CCSER1: variants seen among roughly 807,000 people sequenced by gnomAD.
CCSER1 encodes the protein coiled-coil serine rich protein 1.
CCSER1 carries 41 observed loss-of-function variants against 82.0 expected under a neutral mutation model. That is an observed-to-expected ratio of 0.50 (90% CI 0.39 to 0.65). The LOEUF (loss-of-function observed/expected upper bound fraction) is 0.65, where lower values mean the gene tolerates loss of function less well. Ranked by LOEUF, CCSER1 falls within the 30% of genes least tolerant of loss-of-function variation. The pLI is 0.00. For missense variants in CCSER1, 1,119 were observed against 1,064.2 expected (o/e 1.05, Z -0.72); for synonymous variants, 414 against 383.9 (o/e 1.08, Z -0.92).
intron 10 of CCSER1, among the ~76,000 whole-genome samples, chr4:91,105,516 C>A (rs1406321000): frequency 6.6e-6 from 1 of 151,812 alleles, no homozygotes; most frequent in Non-Finnish European, 1.5e-5. Flanking sequence ...CCAGCCTAGC[C>A]AATATGGTGA....
chr4:91,202,415 T>C (rs193020538), intron 10 of CCSER1, among the ~76,000 whole-genome samples: 1 of 152,032 alleles, frequency 6.6e-6, no homozygotes, highest in Non-Finnish European at 1.5e-5. Context: ...AGCTAGGAAA[T>C]GTAGTCTTTA....
intron 10 of CCSER1, among the ~76,000 whole-genome samples, chr4:91,388,880 G>C: frequency 6.6e-6 from 1 of 151,890 alleles, no homozygotes; most frequent in East Asian, 1.9e-4. Context: ...AAATGCCTGT[G>C]TATCTTTTTT....
At chr4:91,277,794 TA>T (rs1487331587) in intron 10 of CCSER1, among the ~76,000 whole-genome samples, 1 of 152,002 alleles carries the variant, frequency 6.6e-6, no homozygotes, top group Non-Finnish European at 1.5e-5. Context: ...GAAATCTTTC[TA>T]TTTTTTTGAT....
At chr4:90,896,640 C>G (rs1471974556) in intron 8 of CCSER1, among the ~76,000 whole-genome samples, 3 of 151,830 alleles carry the variant, frequency 2.0e-5, no homozygotes, top group Non-Finnish European at 4.4e-5. Context: ...GTTTACTAAT[C>G]TAGCCAATAT....
intron 10 of CCSER1, among the ~76,000 whole-genome samples, chr4:91,470,902 C>T (rs1271539848): frequency 3.9e-5 from 6 of 152,038 alleles, no homozygotes; most frequent in Non-Finnish European, 8.8e-5. Context: ...CATAGCAATC[C>T]ATTTGCTTTG....
At chr4:91,514,618 C>T (rs1292077330) in intron 10 of CCSER1, among the ~76,000 whole-genome samples, 2 of 99,408 alleles carry the variant, frequency 2.0e-5, no homozygotes, top group Non-Finnish European at 4.9e-5. Flanking sequence ...TTTTATGAAT[C>T]TGGGTTCAAA....
intron 10 of CCSER1, among the ~76,000 whole-genome samples, chr4:91,287,969 G>T (rs1379360858): frequency 8.2e-6 from 1 of 122,266 alleles, no homozygotes; most frequent in Non-Finnish European, 1.8e-5. Flanking sequence ...TAAAAGTTAT[G>T]CTCTGTTCTG....
At chr4:90,705,261 A>G (rs1157858083) in intron 6 of CCSER1, among the ~76,000 whole-genome samples, 1 of 152,228 alleles carries the variant, frequency 6.6e-6, no homozygotes, top group Non-Finnish European at 1.5e-5. Context: ...TTGCCTGGGT[A>G]TCAGCAACAG....
chr4:90,251,334 T>G (rs888359390), intron 1 of CCSER1, among the ~76,000 whole-genome samples: 1 of 151,966 alleles, frequency 6.6e-6, no homozygotes, highest in Non-Finnish European at 1.5e-5. Flanking sequence ...AGCATTTGGA[T>G]TTTTACCAGT....
intron 9 of CCSER1, among the ~76,000 whole-genome samples, chr4:91,019,687 T>C (rs1038148392): frequency 1.3e-5 from 2 of 152,180 alleles, no homozygotes; most frequent in African/African-American, 2.4e-5. Context: ...ACAATGTATG[T>C]AATTCACTCA....
intron 5 of CCSER1, among the ~76,000 whole-genome samples, chr4:90,623,285 C>T (rs1385908893): frequency 2.0e-5 from 3 of 152,050 alleles, no homozygotes; most frequent in Admixed American, 2.0e-4. Flanking sequence ...CCCCCAACCT[C>T]GGCCTCCCAA....
At chr4:91,181,570 T>A (rs1171487242) in intron 10 of CCSER1, among the ~76,000 whole-genome samples, 1 of 152,206 alleles carries the variant, frequency 6.6e-6, no homozygotes. Context: ...TTTGCCATAC[T>A]TCTCATCATT....
In CCSER1 at chr4:90,999,879, G is replaced by GT. The variant is rs33987640; in HGVS notation, c.2172+76448dup. On this transcript the variant is annotated intron_variant, in intron 9 of 10. Transcript: ENST00000509176. ...CCATGTCCAGAATGGTGTTTCTGAG[G>GT]TTTTTTTTTTTTTTTTCCCTAGGAT... 4.7e-3 allele frequency among the ~76,000 whole-genome samples: 646 copies of GT among 137,480 alleles called. 1 individual carries two copies. Among genetic ancestry groups the GT allele is most frequent in the Non-Finnish European group, 7.5e-3 (483 of 64,724 alleles). The allele number at this position is 137,480 out of a possible 152,430, so 90.2% of individuals were successfully genotyped here.
At chr4:90,902,614 G>A (rs1007424047) in intron 8 of CCSER1, among the ~76,000 whole-genome samples, 3 of 152,028 alleles carry the variant, frequency 2.0e-5, no homozygotes, top group African/African-American at 7.2e-5. Context: ...TTCAGATGCT[G>A]CTTGTTGTAG....
chr4:91,433,894 T>C (rs1014066043), intron 10 of CCSER1, among the ~76,000 whole-genome samples: 1 of 152,222 alleles, frequency 6.6e-6, no homozygotes, highest in Middle Eastern at 3.2e-3. Context: ...TAAATCAGTG[T>C]TTATCACAGT....
intron 3 of CCSER1, among the ~76,000 whole-genome samples, chr4:90,391,466 A>ACACACACACACAGTGGG (rs1561152354): frequency 3.4e-4 from 31 of 91,386 alleles, no homozygotes; most frequent in African/African-American, 1.7e-3. Flanking sequence ...ATATATATAT[A>ACACACACACACAGTGGG]TATATATATA....
chr4:91,238,035 A>G (rs926198376), intron 10 of CCSER1, among the ~76,000 whole-genome samples: 5 of 152,174 alleles, frequency 3.3e-5, no homozygotes, highest in African/African-American at 7.2e-5. Context: ...GCTCTTTTGC[A>G]TAGTGGGATA....
intron 7 of CCSER1, among the ~76,000 whole-genome samples, chr4:90,800,906 C>CA (rs978316299): frequency 6.6e-6 from 1 of 151,650 alleles, no homozygotes; most frequent in Non-Finnish European, 1.5e-5. Context: ...TTGGATCAAA[C>CA]AAAAAAATAA....
At chr4:91,395,134 C>T (rs1397434064) in intron 10 of CCSER1, among the ~76,000 whole-genome samples, 1 of 151,964 alleles carries the variant, frequency 6.6e-6, no homozygotes, top group African/African-American at 2.4e-5. Context: ...ACCTGGTGTT[C>T]TTTGTGCACT....
Sources: gnomAD v4.1 joint callset for allele counts (sites outside exome capture counted in the v4.1 genomes callset) on GRCh38, gnomAD v4.1.1 for gene constraint, MANE v1.5 for transcripts, NCBI Gene and HGNC (gene_info 2026-07-23, HGNC 2026-07-21) for gene names.